ADAMTS10: variants seen among roughly 807,000 people sequenced by gnomAD.
ADAMTS10 encodes ADAM metallopeptidase with thrombospondin type 1 motif 10, also known as A disintegrin and metalloproteinase with thrombospondin motifs 10.
A neutral mutation model predicts 135.9 loss-of-function variants in ADAMTS10; 48 were observed. The ratio of observed to expected loss-of-function variants is 0.35; its 90% CI spans 0.28 to 0.45. The LOEUF (loss-of-function observed/expected upper bound fraction) is 0.45. Ranked by LOEUF, ADAMTS10 falls within the 20% of genes least tolerant of loss-of-function variation. The pLI, the probability that ADAMTS10 is intolerant of heterozygous loss-of-function variation, is 1.00. For synonymous variants in ADAMTS10, 621 were observed against 647.5 expected, an observed-to-expected ratio of 0.96 and a Z score of 0.62; for missense variants, 1,131 against 1,565.2, an observed-to-expected ratio of 0.72 and a Z score of 4.68.
chr19:8,584,386 G>A (rs1008688593), intron 25 of ADAMTS10, among the ~76,000 whole-genome samples: 3 of 150,638 alleles, frequency 2.0e-5, no homozygotes, highest in South Asian at 2.1e-4. Flanking sequence ...TTACAGGCTG[G>A]CACAAATCCC....
intron 13 of ADAMTS10, among the ~76,000 whole-genome samples, chr19:8,592,424 G>A (rs2042547727): frequency 1.3e-5 from 2 of 152,066 alleles, no homozygotes; most frequent in Admixed American, 1.3e-4. Context: ...CGTGGCCAGA[G>A]CCGAGGGCAG....
chr19:8,595,392 T>A (rs781798158), intron 12 of ADAMTS10, among the ~76,000 whole-genome samples: 2 of 152,088 alleles, frequency 1.3e-5, no homozygotes, highest in Non-Finnish European at 2.9e-5. Flanking sequence ...CCCAGGGAAA[T>A]TATTTCCGTC....
intron 25 of ADAMTS10, among the ~76,000 whole-genome samples, chr19:8,584,154 C>CAAAAAAAAAAAAAAAAAAAAAA (rs34412373): frequency 2.2e-5 from 1 of 44,866 alleles, no homozygotes; most frequent in African/African-American, 9.1e-5. Flanking sequence ...GACTCCATCT[C>CAAAAAAAAAAAAAAAAAAAAAA]AAAAAAAAAA....
chr19:8,580,393 T>C lies in ADAMTS10; in HGVS notation c.*500A>G. 6.2e-6 allele frequency: 1 copy of C among 160,112 alleles called. No homozygotes were observed. Among genetic ancestry groups the C allele is most frequent in the South Asian group, 1.5e-4 (1 of 6,814 alleles). 9.9% of individuals were successfully genotyped at this position (160,112 alleles called of 1,614,324 possible). A position where few individuals can be genotyped will look rare whatever the true frequency, so the allele number is the denominator to read the frequency against. On this transcript the variant is annotated 3_prime_UTR_variant, in exon 26 of 26. Transcript: ENST00000597188. Reference sequence around the variant, plus strand: ...GCAGGGCAGAGGTTGGGGTGGATCCTCCCCCTAGTCAGGTCAGGGGAGGGT... The same window carrying C: ...GCAGGGCAGAGGTTGGGGTGGATCCCCCCCCTAGTCAGGTCAGGGGAGGGT...
chr19:8,586,997 G>T, intron 18 of ADAMTS10, 101 bp from the exon 19 acceptor site: 1 of 1,232,750 alleles, frequency 8.1e-7, no homozygotes, highest in Non-Finnish European at 1.2e-6. Context: ...CTATTACTGC[G>T]CTAAACACAC....
chr19:8,603,999 T>TTA, intron 4 of ADAMTS10, 115 bp from the exon 5 acceptor site: 3 of 1,136,960 alleles, frequency 2.6e-6, no homozygotes, highest in African/African-American at 1.8e-5. Flanking sequence ...ATTTTGCTAT[T>TTA]TCTTTTTTTT....
chr19:8,589,255 G>A lies in ADAMTS10; in HGVS notation c.2145C>T (p.Ala715=). The change falls in exon 18 of 26, where the codon GCC becomes GCT. Residue 715 remains alanine, a synonymous_variant. Transcript: ENST00000597188. ...GGAGACTCTCACCGGCCCCAGGTGA[G>A]GCTGGGCTGAAGACGCCCTCGATGG... ...CETIEGVFSP[A]SPGAGYEDVV... 1 of 1,612,704 alleles carries A rather than the reference G, an allele frequency of 6.2e-7. No homozygotes were observed. The highest frequency in any genetic ancestry group is 8.5e-7 in the Non-Finnish European group (1 of 1,179,972).
intron 22 of ADAMTS10, 108 bp from the exon 23 acceptor site, chr19:8,585,768 TG>T: frequency 8.5e-7 from 1 of 1,178,932 alleles, no homozygotes; most frequent in Non-Finnish European, 1.2e-6. Flanking sequence ...CAGCCTCATA[TG>T]GAAACTGGCA....
Position 8,580,815 on chromosome 19 carries a change from G to C in ADAMTS10, c.*78C>G. 6.7e-6 allele frequency: 8 copies of C among 1,202,082 alleles called. No individual in the cohort carries two copies. Among genetic ancestry groups the C allele is most frequent in the Non-Finnish European group, 9.5e-6 (8 of 846,264 alleles). 74.5% of individuals were successfully genotyped at this position (1,202,082 alleles called of 1,614,324 possible). A position where few individuals can be genotyped will look rare whatever the true frequency, so the allele number is the denominator to read the frequency against. ...CTTCCCTCCCAGTTCCCGCCCCCCC[G>C]GGGCCCCCTCTGGCCGGCCCGCTGC... On this transcript the variant is annotated 3_prime_UTR_variant, in exon 26 of 26. Transcript: ENST00000597188.
At position 8,596,920 on chromosome 19, in the gene ADAMTS10, G is replaced by A; in HGVS notation, c.1040+67C>T. The A allele has an allele frequency of 6.3e-7, 1 of 1,599,968 alleles. No homozygotes were observed. The highest frequency in any genetic ancestry group is 8.5e-7 in the Non-Finnish European group (1 of 1,177,524). Reference sequence around the variant, plus strand: ...CCCTAGCAGAAGTGATCTCTGTTTGGACTCTCATGGTTCCCTGGACCATCT... The same window carrying A: ...CCCTAGCAGAAGTGATCTCTGTTTGAACTCTCATGGTTCCCTGGACCATCT... On this transcript the variant is annotated intron_variant, in intron 8 of 25. Coordinates refer to ENST00000597188, the MANE Select transcript of ADAMTS10 (RefSeq NM_030957.4). The surrounding 1 kb of genome is among the most constrained non-coding windows in gnomAD (Gnocchi z 7.2).
At chr19:8,592,990 G>A (rs2042561474) in intron 12 of ADAMTS10, 120 bp from the exon 13 acceptor site, 2 of 898,806 alleles carry the variant, frequency 2.2e-6, no homozygotes, top group Non-Finnish European at 3.5e-6. Context: ...AGAGCCCGGT[G>A]CTCCCTTCCT....
At chr19:8,582,272 A>G (rs1457577065) in intron 25 of ADAMTS10, among the ~76,000 whole-genome samples, 1 of 151,888 alleles carries the variant, frequency 6.6e-6, no homozygotes, top group Non-Finnish European at 1.5e-5. Flanking sequence ...GATCGAGACC[A>G]TCCTGGCTAA....
chr19:8,589,158 T>C, intron 18 of ADAMTS10, 84 bp downstream of exon 18: 4 of 1,596,654 alleles, frequency 2.5e-6, no homozygotes, highest in South Asian at 1.1e-5. Context: ...GAGTTAGTGA[T>C]CTCAGCTACT....
At chr19:8,600,632 G>T (rs1568404347) in intron 6 of ADAMTS10, among the ~76,000 whole-genome samples, 1 of 151,586 alleles carries the variant, frequency 6.6e-6, no homozygotes, top group Non-Finnish European at 1.5e-5. Context: ...CCGAGTAGCT[G>T]GGACTACAGG....
chr19:8,585,678 G>A lies in ADAMTS10; in HGVS notation c.2661-18C>T. 3.1e-6 allele frequency: 5 copies of A among 1,610,644 alleles called. No individual in the cohort carries two copies. Among genetic ancestry groups the A allele is most frequent in the East Asian group, 2.2e-5 (1 of 44,820 alleles). On this transcript the variant is annotated intron_variant, in intron 22 of 25. Coordinates refer to ENST00000597188, the MANE Select transcript of ADAMTS10 (RefSeq NM_030957.4). Reference sequence around the variant, plus strand: ...CAACCCAGCTGTAAGAGATGAAGGGGTCTGAGCAAGTAAGCAGGGCAGGGG... The same window carrying A: ...CAACCCAGCTGTAAGAGATGAAGGGATCTGAGCAAGTAAGCAGGGCAGGGG...
intron 12 of ADAMTS10, 64 bp downstream of exon 12, chr19:8,595,698 T>TACCAAC: frequency 1.0e-5 from 13 of 1,291,942 alleles, no homozygotes; most frequent in African/African-American, 1.5e-5. Flanking sequence ...CTGGTGGAGT[T>TACCAAC]CCCTCCCCCA....
chr19:8,585,161 C>A lies in ADAMTS10; in HGVS notation c.3013G>T (p.Ala1005Ser). The A allele has an allele frequency of 7.1e-7, 1 of 1,411,216 alleles. No homozygotes were observed. Among genetic ancestry groups the A allele is most frequent in the Admixed American group, 3.1e-5 (1 of 32,336 alleles). 87.4% of individuals were successfully genotyped at this position (1,411,216 alleles called of 1,614,324 possible). A position where few individuals can be genotyped will look rare whatever the true frequency, so the allele number is the denominator to read the frequency against. The change falls in exon 24 of 26, where the codon GCC becomes TCC. Residue 1005 changes from alanine to serine, a missense_variant. Ala to Ser is a moderately conservative substitution (Grantham distance 99). Coordinates refer to ENST00000597188, the MANE Select transcript of ADAMTS10 (RefSeq NM_030957.4). ...MRCNLRRCPP[A>S]RWVAGEWGEC... is the part of the protein sequence containing the mutation. ...CCCCACTCGCCAGCCACCCAGCGGG[C>A]CGGGGGGCAGCGGCGCAAGTTGCAG... is the stretch of plus-strand genomic sequence containing the variant.
intron 12 of ADAMTS10, among the ~76,000 whole-genome samples, chr19:8,593,892 G>A (rs1176646105): frequency 1.3e-5 from 2 of 152,146 alleles, no homozygotes; most frequent in African/African-American, 2.4e-5. Flanking sequence ...GGACTGGATC[G>A]ATCAATGGCC....
chr19:8,603,582 A>G (rs2042689178), intron 5 of ADAMTS10, 146 bp downstream of exon 5: 1 of 1,318,194 alleles, frequency 7.6e-7, no homozygotes, highest in Non-Finnish European at 1.1e-6. Context: ...CCGGAACTCC[A>G]TAATTATATC....
Sources: gnomAD v4.1 joint callset for allele counts (sites outside exome capture counted in the v4.1 genomes callset) on GRCh38, gnomAD v4.1.1 for gene constraint, Gnocchi (gnomAD v3.1) non-coding constraint, MANE v1.5 for transcripts, NCBI Gene and HGNC (gene_info 2026-07-23, HGNC 2026-07-21) for gene names.